EXOC2: variants seen among roughly 807,000 people sequenced by gnomAD.
The protein encoded by EXOC2 is SEC5-like 1.
Under a neutral mutation model 131.8 loss-of-function variants are expected in EXOC2, and 70 were observed. That is an observed-to-expected ratio of 0.53 (90% confidence interval 0.44 to 0.65). The LOEUF (loss-of-function observed/expected upper bound fraction) is 0.65. Ranked by LOEUF, EXOC2 falls within the 30% of genes least tolerant of loss-of-function variation. The probability of loss-of-function intolerance (pLI) is 0.00; values close to 1 mark genes in which losing one functional copy is unlikely to be tolerated. For synonymous variants in EXOC2, 411 were observed against 398.4 expected, an observed-to-expected ratio of 1.03 and a Z score of -0.38; for missense variants, 923 against 1,108.6, an observed-to-expected ratio of 0.83 and a Z score of 2.38.
intron 22 of EXOC2, among the ~76,000 whole-genome samples, chr6:543,234 G>A (rs1756654382): frequency 6.6e-6 from 1 of 152,206 alleles, no homozygotes; most frequent in African/African-American, 2.4e-5. Flanking sequence ...AGTAATGGAT[G>A]AATGAATTTT....
At chr6:670,542 G>A (rs1763817313) in intron 1 of EXOC2, among the ~76,000 whole-genome samples, 1 of 151,400 alleles carries the variant, frequency 6.6e-6, no homozygotes. Context: ...GTTCACATAG[G>A]TTAAAGTGAT....
chr6:632,699 A>C (rs1761913721), intron 3 of EXOC2, among the ~76,000 whole-genome samples: 2 of 152,230 alleles, frequency 1.3e-5, no homozygotes, highest in South Asian at 4.1e-4. Context: ...TTAAGAACTG[A>C]GAAGAGTAGT....
At chr6:603,037 T>C (rs1386030492) in intron 7 of EXOC2, among the ~76,000 whole-genome samples, 2 of 152,210 alleles carry the variant, frequency 1.3e-5, no homozygotes, top group Admixed American at 1.3e-4. Context: ...AATATTATGC[T>C]TTCTCTTATT....
intron 17 of EXOC2, among the ~76,000 whole-genome samples, chr6:557,232 G>T (rs993586215): frequency 6.6e-6 from 1 of 152,118 alleles, no homozygotes; most frequent in African/African-American, 2.4e-5. Flanking sequence ...GTATATTTCA[G>T]GCAGAAGACA....
chr6:544,167 T>A (rs1282649839), intron 22 of EXOC2, among the ~76,000 whole-genome samples: 1 of 152,214 alleles, frequency 6.6e-6, no homozygotes, highest in Non-Finnish European at 1.5e-5. Context: ...TTCCTGCACT[T>A]CCCAGCTTTC....
chr6:665,969 A>T (rs912129965), intron 1 of EXOC2, among the ~76,000 whole-genome samples: 2 of 152,366 alleles, frequency 1.3e-5, no homozygotes, highest in South Asian at 2.1e-4. Context: ...TATAGTCATC[A>T]AGAGAAATGT....
At chr6:617,586 T>C (rs1761077224) in intron 6 of EXOC2, 125 bp downstream of exon 6, 2 of 1,286,820 alleles carry the variant, frequency 1.6e-6, no homozygotes, top group South Asian at 1.8e-5. Flanking sequence ...CAAATATTTA[T>C]AGCACATTTG....
intron 10 of EXOC2, among the ~76,000 whole-genome samples, chr6:596,993 T>C (rs1048770181): frequency 3.9e-5 from 6 of 152,230 alleles, no homozygotes; most frequent in Non-Finnish European, 7.3e-5. Context: ...AATGTATTTC[T>C]GATTATCTTT....
intron 10 of EXOC2, among the ~76,000 whole-genome samples, 189 bp downstream of exon 10, chr6:597,832 C>T (rs1759902078): frequency 6.6e-6 from 1 of 152,150 alleles, no homozygotes; most frequent in African/African-American, 2.4e-5. Context: ...ATAACTACTC[C>T]CAAATCTATT....
chr6:609,742 G>C (rs1760618828), intron 7 of EXOC2, among the ~76,000 whole-genome samples: 1 of 152,198 alleles, frequency 6.6e-6, no homozygotes, highest in East Asian at 1.9e-4. Context: ...GGAGACGCCT[G>C]ATGATGGCTC....
intron 11 of EXOC2, among the ~76,000 whole-genome samples, chr6:584,619 T>A (rs1342782418): frequency 6.6e-6 from 1 of 152,264 alleles, no homozygotes; most frequent in Admixed American, 6.5e-5. Context: ...AGACTCGAAA[T>A]AAACCACTCA....
intron 11 of EXOC2, among the ~76,000 whole-genome samples, chr6:580,046 T>TG (rs1472236453): frequency 2.3e-5 from 2 of 85,124 alleles, no homozygotes; most frequent in African/African-American, 8.1e-5. Context: ...GCAGTTTTTT[T>TG]TGTTTTTTTT....
At position 604,080 on chromosome 6, in the gene EXOC2, CAG is replaced by C. The variant is rs1760262729; in HGVS notation, c.743-4857_743-4856del. Among the ~76,000 whole-genome samples the C allele has an allele frequency of 4.6e-5, 7 of 152,302 alleles. No homozygotes were observed. The South Asian group carries it at 1.4e-3, about 32-fold the overall frequency. On this transcript the variant is annotated intron_variant, in intron 7 of 27. Coordinates refer to ENST00000230449, the MANE Select transcript of EXOC2 (RefSeq NM_018303.6). ...TTTTATGTTGGAGGCAACTGAGACA[CAG>C]AGGTTATTCAAGTTGCCCAGTGTGA...
intron 10 of EXOC2, among the ~76,000 whole-genome samples, chr6:593,716 G>A (rs1057271613): frequency 3.3e-5 from 5 of 152,174 alleles, no homozygotes; most frequent in African/African-American, 1.2e-4. Context: ...CTTTGTCTCT[G>A]GGTTAGAGGT....
At chr6:489,788 C>T (rs983798881) in intron 26 of EXOC2, among the ~76,000 whole-genome samples, 2 of 152,182 alleles carry the variant, frequency 1.3e-5, no homozygotes, top group Non-Finnish European at 2.9e-5. Context: ...GGGGTCGTTG[C>T]TTTTATATTG....
intron 13 of EXOC2, among the ~76,000 whole-genome samples, chr6:570,729 G>C (rs1758232318): frequency 6.6e-6 from 1 of 152,188 alleles, no homozygotes; most frequent in Non-Finnish European, 1.5e-5. Context: ...GAAGTAATTT[G>C]CCTAAGGTCA....
chr6:595,561 G>A (rs1351193773), intron 10 of EXOC2, among the ~76,000 whole-genome samples: 2 of 151,812 alleles, frequency 1.3e-5, no homozygotes, highest in African/African-American at 4.9e-5. Context: ...ATCTTTTTTG[G>A]CACTACCACC....
rs1258388044 is a variant in EXOC2 at position 552,140 on chromosome 6, A to G, written c.2121+1714T>C. Among the ~76,000 whole-genome samples, 2 of 152,212 alleles carry G rather than the reference A, an allele frequency of 1.3e-5. 1 individual carries two copies. Among genetic ancestry groups the G allele is most frequent in the African/African-American group, 4.8e-5 (2 of 41,454 alleles). On this transcript the variant is annotated intron_variant, in intron 21 of 27. Coordinates refer to ENST00000230449, the MANE Select transcript of EXOC2 (RefSeq NM_018303.6). The stretch of plus-strand genomic sequence containing the variant: ...TTAAGCTATAGCAGAAAACACAGAG[A>G]TCAACCACGTTGCTAAATAGCAGAA...
At chr6:520,858 G>A (rs570054828) in intron 23 of EXOC2, among the ~76,000 whole-genome samples, 3 of 139,544 alleles carry the variant, frequency 2.1e-5, no homozygotes, top group African/African-American at 8.3e-5. Flanking sequence ...GTCCACACTC[G>A]TAGATGAAAA....
Sources: gnomAD v4.1 joint callset for allele counts (sites outside exome capture counted in the v4.1 genomes callset) on GRCh38, gnomAD v4.1.1 for gene constraint, MANE v1.5 for transcripts, NCBI Gene and HGNC (gene_info 2026-07-23, HGNC 2026-07-21) for gene names.